TMEM65: variants seen among roughly 807,000 people sequenced by gnomAD.
The protein encoded by TMEM65 is transmembrane protein 65.
Under a neutral mutation model 25.4 loss-of-function variants are expected in TMEM65, and 22 were observed. The observed-to-expected ratio is 0.86, with a 90% CI of 0.62 to 1.23. TMEM65 has a LOEUF of 1.23. Ranked by LOEUF, TMEM65 falls within the 50% of genes most tolerant of loss-of-function variation. The pLI, the probability that TMEM65 is intolerant of heterozygous loss-of-function variation, is 0.00. For missense variants in TMEM65, 262 were observed against 308.2 expected (o/e 0.85, Z 1.12); for synonymous variants, 132 against 126.2 (o/e 1.05, Z -0.31).
chr8:124,319,162 A>G (rs1814274933), intron 6 of TMEM65, among the ~76,000 whole-genome samples: 1 of 152,096 alleles, frequency 6.6e-6, no homozygotes, highest in South Asian at 2.1e-4. Flanking sequence ...ACTAACTCTG[A>G]CCTATCTAAC....
intron 1 of TMEM65, among the ~76,000 whole-genome samples, chr8:124,365,949 G>C (rs1296142630): frequency 2.6e-5 from 4 of 152,288 alleles, no homozygotes; most frequent in African/African-American, 9.6e-5. Flanking sequence ...GGCCGGGCGT[G>C]GAGGTTCACG....
At chr8:124,360,850 A>G (rs1472339249) in intron 1 of TMEM65, among the ~76,000 whole-genome samples, 1 of 152,246 alleles carries the variant, frequency 6.6e-6, no homozygotes, top group Non-Finnish European at 1.5e-5. Flanking sequence ...AAAATTATTT[A>G]TGAAAGCTGT....
chr8:124,361,542 C>T (rs976072489), intron 1 of TMEM65, among the ~76,000 whole-genome samples: 4 of 144,990 alleles, frequency 2.8e-5, no homozygotes, highest in Non-Finnish European at 6.1e-5. Flanking sequence ...TAAAAAAAAG[C>T]AAGATTTTGG....
At chr8:124,369,788 T>C (rs1004939388) in intron 1 of TMEM65, among the ~76,000 whole-genome samples, 1 of 152,230 alleles carries the variant, frequency 6.6e-6, no homozygotes, top group Non-Finnish European at 1.5e-5. Flanking sequence ...CTATATGTAT[T>C]GATACTGAAA....
In TMEM65 at chr8:124,329,676, CA is replaced by C. The variant is rs571202317; in HGVS notation, c.349+1071del. Among the ~76,000 whole-genome samples the C allele has an allele frequency of 2.6e-5, 4 of 151,806 alleles. No homozygotes were observed. The South Asian group carries it at 8.3e-4, about 32-fold the overall frequency. On this transcript the variant is annotated intron_variant, in intron 2 of 6. Coordinates refer to ENST00000297632, the MANE Select transcript of TMEM65 (RefSeq NM_194291.3). ...ACTAAAAGGAAAAAATATAGTTTTT[CA>C]AAAAGTTAAATAAACATGTACAGAG...
intron 6 of TMEM65, among the ~76,000 whole-genome samples, chr8:124,318,056 G>A (rs555533249): frequency 6.6e-6 from 1 of 152,248 alleles, no homozygotes; most frequent in South Asian, 2.1e-4. Context: ...CCAATTTGTG[G>A]TAAACTTTTG....
At position 124,308,848 on chromosome 8, in the gene TMEM65, GGAA is replaced by G. The variant is rs1172468170; in HGVS notation, c.*5109_*5111del. ...AGGCACTAAAACTAAAGCAAATGGT[GGAA>G]GAAGGATTAATACCATATATAGAAA... On this transcript the variant is annotated 3_prime_UTR_variant, in exon 7 of 7. Coordinates refer to ENST00000297632, the MANE Select transcript of TMEM65 (RefSeq NM_194291.3). 3 of 152,124 alleles carry G rather than the reference GGAA, an allele frequency of 2.0e-5. No individual in the cohort carries two copies. Among genetic ancestry groups the G allele is most frequent in the Non-Finnish European group, 4.4e-5 (3 of 68,024 alleles). 9.4% of individuals were successfully genotyped at this position (152,124 alleles called of 1,614,324 possible). A position where few individuals can be genotyped will look rare whatever the true frequency, so the allele number is the denominator to read the frequency against.
In TMEM65 at chr8:124,371,841, C is replaced by T. The variant is rs1471163999; in HGVS notation, c.304+13G>A. On this transcript the variant is annotated intron_variant, in intron 1 of 6. Transcript: ENST00000297632. ...CGGGGCCCCCGGGCTCGCCCCCCACCTGCCCCCCTTACCTTGGGCAATGGC... is the reference window on the plus strand; with the variant it reads ...CGGGGCCCCCGGGCTCGCCCCCCACTTGCCCCCCTTACCTTGGGCAATGGC... 2.0e-6 allele frequency: 3 copies of T among 1,515,414 alleles called. No homozygotes were observed. The highest frequency in any genetic ancestry group is 4.0e-5 in the Admixed American group (2 of 49,928). 93.9% of individuals were successfully genotyped at this position (1,515,414 alleles called of 1,614,324 possible).
intron 1 of TMEM65, among the ~76,000 whole-genome samples, chr8:124,350,477 TCACACACA>T (rs59193124): frequency 1.0e-4 from 15 of 146,838 alleles, no homozygotes; most frequent in Non-Finnish European, 1.3e-4. Context: ...TCTCTCTCTC[TCACACACA>T]CACACACACA....
intron 1 of TMEM65, among the ~76,000 whole-genome samples, chr8:124,367,123 T>C (rs1005774109): frequency 2.0e-5 from 3 of 152,254 alleles, no homozygotes; most frequent in Admixed American, 1.3e-4. Context: ...TTGCCCTTTT[T>C]CTTATTGGAC....
At chr8:124,331,703 GAATT>G in intron 1 of TMEM65, among the ~76,000 whole-genome samples, 1 of 151,904 alleles carries the variant, frequency 6.6e-6, no homozygotes, top group African/African-American at 2.4e-5. Flanking sequence ...CAACTGGACA[GAATT>G]AATTGTTATC....
chr8:124,368,988 T>C (rs1286328306), intron 1 of TMEM65, among the ~76,000 whole-genome samples: 1 of 152,242 alleles, frequency 6.6e-6, no homozygotes, highest in Non-Finnish European at 1.5e-5. Flanking sequence ...AAAATAATTA[T>C]AAATGGAAAT....
intron 1 of TMEM65, among the ~76,000 whole-genome samples, chr8:124,334,743 G>T (rs1337000527): frequency 2.2e-4 from 27 of 120,746 alleles, no homozygotes; most frequent in African/African-American, 8.6e-4. Flanking sequence ...CAGCCTGGGC[G>T]ACAGAACAAG....
At chr8:124,323,710 C>T (rs1172544305) in intron 3 of TMEM65, among the ~76,000 whole-genome samples, 1 of 151,268 alleles carries the variant, frequency 6.6e-6, no homozygotes, top group Admixed American at 6.6e-5. Context: ...AAAACAAGAC[C>T]GACTCACATT....
intron 1 of TMEM65, among the ~76,000 whole-genome samples, chr8:124,349,531 T>C (rs1407965149): frequency 1.3e-5 from 2 of 152,118 alleles, no homozygotes; most frequent in African/African-American, 2.4e-5. Context: ...CTGCTAACAC[T>C]GAAGAAATGT....
chr8:124,337,740 A>G (rs1230902377), intron 1 of TMEM65, among the ~76,000 whole-genome samples: 2 of 152,052 alleles, frequency 1.3e-5, no homozygotes, highest in East Asian at 1.9e-4. Flanking sequence ...GAGGAAGTAG[A>G]GTTTTAAGAA....
At chr8:124,327,728 G>A in intron 2 of TMEM65, among the ~76,000 whole-genome samples, 1 of 149,872 alleles carries the variant, frequency 6.7e-6, no homozygotes, top group African/African-American at 2.5e-5. Context: ...ACAATTAACA[G>A]AACAAATTAG....
At chr8:124,315,523 G>A (rs907011063) in intron 6 of TMEM65, among the ~76,000 whole-genome samples, 3 of 151,780 alleles carry the variant, frequency 2.0e-5, no homozygotes, top group Admixed American at 6.6e-5. Flanking sequence ...GGGTTTCACT[G>A]TATTAGCCAG....
At chr8:124,364,083 T>C (rs1028298529) in intron 1 of TMEM65, among the ~76,000 whole-genome samples, 1 of 152,106 alleles carries the variant, frequency 6.6e-6, no homozygotes, top group Non-Finnish European at 1.5e-5. Flanking sequence ...TCAATAATAA[T>C]GTGATAGATG....
Sources: gnomAD v4.1 joint callset for allele counts (sites outside exome capture counted in the v4.1 genomes callset) on GRCh38, gnomAD v4.1.1 for gene constraint, MANE v1.5 for transcripts, NCBI Gene and HGNC (gene_info 2026-07-23, HGNC 2026-07-21) for gene names.